Variants in GYG2 observed in about 807,000 individuals in gnomAD.
GYG2 encodes glycogenin 2, also known as glycogenin-2.
Under a neutral mutation model 29.4 loss-of-function variants are expected in GYG2, and 29 were observed. The observed-to-expected ratio is 0.99, with a 90% CI of 0.74 to 1.35. GYG2 has a LOEUF of 1.35. Ranked by LOEUF, GYG2 falls within the 40% of genes most tolerant of loss-of-function variation. GYG2 has a pLI of 0.00. For missense variants in GYG2, 370 were observed against 385.7 expected (o/e 0.96, Z 0.34); for synonymous variants, 167 against 172.3 (o/e 0.97, Z 0.24).
intron 3 of GYG2, among the ~76,000 whole-genome samples, chrX:2,849,680 T>C (rs12013119): frequency 0.02 from 2,302 of 112,343 alleles, 48 homozygotes; most frequent in African/African-American, 0.07. Context: ...GAAATGAAAG[T>C]TCTGTATTCA....
chrX:2,863,848 A>G (rs1326662612), intron 8 of GYG2, among the ~76,000 whole-genome samples: 1 of 111,672 alleles, frequency 9.0e-6, no homozygotes, highest in Non-Finnish European at 1.9e-5. Context: ...AATGTGAAGA[A>G]TTCCATCAGT....
intron 8 of GYG2, among the ~76,000 whole-genome samples, chrX:2,868,759 G>T (rs914709329): frequency 4.5e-5 from 5 of 110,880 alleles, no homozygotes; most frequent in South Asian, 3.8e-4. Flanking sequence ...GATAGGTGCA[G>T]CGAACCACCA....
chrX:2,838,584 C>G (rs1396605016), intron 2 of GYG2, among the ~76,000 whole-genome samples: 3 of 108,626 alleles, frequency 2.8e-5, no homozygotes, highest in Non-Finnish European at 5.7e-5. Context: ...TCTTTGAAAA[C>G]TTTTCTTCTC....
chrX:2,881,383 C>A lies in GYG2; in HGVS notation c.*170C>A. 2.4e-6 allele frequency: 1 copy of A among 420,563 alleles called. No homozygotes were observed. The highest frequency in any genetic ancestry group is 5.1e-5 in the South Asian group (1 of 19,678). 34.7% of individuals were successfully genotyped at this position (420,563 alleles called of 1,213,427 possible). ...CACAAAAAACGTAGAGTATAGAAAT[C>A]CACCTTAAAGCCCCTCGCCCCAACT... On this transcript the variant is annotated 3_prime_UTR_variant, in exon 11 of 11. Transcript: ENST00000398806.
intron 2 of GYG2, among the ~76,000 whole-genome samples, chrX:2,840,266 C>T (rs2053112001): frequency 9.0e-6 from 1 of 111,466 alleles, no homozygotes; most frequent in African/African-American, 3.3e-5. Context: ...ATCTCTGGCT[C>T]TGTTTTGGGC....
intron 6 of GYG2, among the ~76,000 whole-genome samples, 175 bp downstream of exon 6, chrX:2,856,799 C>CATCTGTCATCT (rs2088011619): frequency 2.2e-5 from 2 of 91,507 alleles, no homozygotes; most frequent in African/African-American, 8.8e-5. Flanking sequence ...ATCTATCTAT[C>CATCTGTCATCT]ATCTATCTAT....
chrX:2,840,977 A>G (rs982570580), intron 2 of GYG2, among the ~76,000 whole-genome samples: 4 of 101,328 alleles, frequency 3.9e-5, no homozygotes, highest in Non-Finnish European at 6.1e-5. Context: ...GGATAGATAG[A>G]TATATGATAG....
At chrX:2,870,100 GTT>G (rs201814696) in intron 8 of GYG2, among the ~76,000 whole-genome samples, 7 of 100,968 alleles carry the variant, frequency 6.9e-5, no homozygotes, top group Admixed American at 2.1e-4. Context: ...ATGTCCTTCA[GTT>G]TTTTTTTTTT....
At chrX:2,847,146 C>G (rs2087753623) in intron 3 of GYG2, among the ~76,000 whole-genome samples, 1 of 111,303 alleles carries the variant, frequency 9.0e-6, no homozygotes, top group Non-Finnish European at 1.9e-5. Context: ...TTTTAAGAAA[C>G]TGTTATAATC....
chrX:2,881,352 G>A lies in GYG2; in HGVS notation c.*139G>A, dbSNP rs1216906262. On this transcript the variant is annotated 3_prime_UTR_variant, in exon 11 of 11. Coordinates refer to ENST00000398806, the MANE Select transcript of GYG2 (RefSeq NM_001079855.2). ...CTATTTATGCTTAATCCATTTGAGT[G>A]CCTCACACAAAAAACGTAGAGTATA... The A allele has an allele frequency of 1.4e-5, 7 of 508,821 alleles. No homozygotes were observed. In the East Asian group the frequency reaches 2.0e-4, roughly 14 times the overall value. The allele number at this position is 508,821 out of a possible 1,213,427, so 41.9% of individuals were successfully genotyped here.
At chrX:2,848,438 T>C (rs1412336538) in intron 3 of GYG2, among the ~76,000 whole-genome samples, 3 of 109,908 alleles carry the variant, frequency 2.7e-5, no homozygotes, top group African/African-American at 1.0e-4. Context: ...CTCGGGAGGC[T>C]GAGGCAGGAG....
At chrX:2,862,704 G>A (rs1007488167) in intron 8 of GYG2, among the ~76,000 whole-genome samples, 10 of 111,273 alleles carry the variant, frequency 9.0e-5, no homozygotes, top group Non-Finnish European at 1.7e-4. Flanking sequence ...AATAATGGAG[G>A]CCGTCATTTC....
At chrX:2,831,215 A>T (rs768296080) in intron 2 of GYG2, among the ~76,000 whole-genome samples, 1 of 112,543 alleles carries the variant, frequency 8.9e-6, no homozygotes, top group East Asian at 2.8e-4. Flanking sequence ...CATTTTATGT[A>T]TTTATTTTTA....
intron 8 of GYG2, among the ~76,000 whole-genome samples, chrX:2,875,307 C>A (rs192723834): frequency 9.0e-6 from 1 of 111,164 alleles, no homozygotes; most frequent in East Asian, 2.9e-4. Context: ...AATCTCCTCC[C>A]CATCTAGCAT....
chrX:2,870,285 TC>T (rs2088434067), intron 8 of GYG2, among the ~76,000 whole-genome samples: 1 of 110,958 alleles, frequency 9.0e-6, no homozygotes, highest in African/African-American at 3.3e-5. Flanking sequence ...CACTGAAGCC[TC>T]CGCCTCCTGG....
intron 3 of GYG2, among the ~76,000 whole-genome samples, chrX:2,848,745 T>TC (rs1450915138): frequency 9.0e-6 from 1 of 111,642 alleles, no homozygotes; most frequent in Non-Finnish European, 1.9e-5. Flanking sequence ...TACTGCATTT[T>TC]CCATCATGTG....
chrX:2,846,969 G>A (rs1335107496), intron 3 of GYG2, among the ~76,000 whole-genome samples: 1 of 111,582 alleles, frequency 9.0e-6, no homozygotes, highest in Non-Finnish European at 1.9e-5. Flanking sequence ...CCTTTTGTTT[G>A]ACAATAACTA....
chrX:2,850,000 C>T (rs2087832852), intron 3 of GYG2, among the ~76,000 whole-genome samples: 1 of 110,631 alleles, frequency 9.0e-6, no homozygotes, highest in Admixed American at 9.7e-5. Context: ...GCCTGTAGTC[C>T]CAGTTACTCA....
At chrX:2,849,025 C>T (rs1295585354) in intron 3 of GYG2, among the ~76,000 whole-genome samples, 1 of 111,382 alleles carries the variant, frequency 9.0e-6, no homozygotes, top group Non-Finnish European at 1.9e-5. Flanking sequence ...GCCCCTCCCC[C>T]AGGCTGTGTG....
Sources: allele counts gnomAD v4.1 joint callset (sites outside exome capture counted in the v4.1 genomes callset), GRCh38; gene constraint gnomAD v4.1.1; transcripts MANE v1.5; gene names NCBI Gene and HGNC (gene_info 2026-07-23, HGNC 2026-07-21).